The following WDFY2 variants were observed in gnomAD, a reference collection of about 807,000 sequenced individuals.
WDFY2 encodes the protein WD repeat and FYVE domain containing 2.
In WDFY2, 36 loss-of-function variants were observed where a neutral mutation model predicts 56.4. The observed-to-expected ratio is 0.64, with a 90% CI of 0.49 to 0.84. The LOEUF is 0.84. Among genes scored for constraint, WDFY2 ranks in the 40% least tolerant of loss-of-function variants. The probability of loss-of-function intolerance (pLI) is 0.00; values close to 1 mark genes in which losing one functional copy is unlikely to be tolerated. For missense variants in WDFY2, 444 were observed against 512.2 expected (o/e 0.87, Z 1.29); for synonymous variants, 176 against 183.7 (o/e 0.96, Z 0.34).
chr13:51,609,256 C>G (rs1287985116), intron 1 of WDFY2, among the ~76,000 whole-genome samples: 13 of 152,172 alleles, frequency 8.5e-5, no homozygotes, highest in African/African-American at 2.7e-4. Flanking sequence ...CTCTACTGAT[C>G]ACAACTCCCA....
Position 51,739,115 on chromosome 13 carries a change from CTG to C in WDFY2, c.667_668del (p.Val223HisfsTer40). 2 of 1,601,856 alleles carry C rather than the reference CTG, an allele frequency of 1.2e-6. No individual in the cohort carries two copies. Among genetic ancestry groups the C allele is most frequent in the Non-Finnish European group, 1.7e-6 (2 of 1,174,418 alleles). ...TTGTTCTCAGGCAGTTCAGATCACTCTGTCATCATGTGGGACATCGGTGGGAG... is the reference window on the plus strand; with the variant it reads ...TTGTTCTCAGGCAGTTCAGATCACTCTCATCATGTGGGACATCGGTGGGAG... On this transcript the variant is annotated frameshift_variant, in exon 7 of 12. Coordinates refer to ENST00000298125, the MANE Select transcript of WDFY2 (RefSeq NM_052950.4). LOFTEE classifies it high-confidence loss of function.
rs369798845 is a variant in WDFY2, at chr13:51,630,718, A to G, written c.138-29878A>G. ...GCTTTTTGTGTTATGTTTTCAAGTTATTATGCTGATTGTTTAGCTTTCACT... is the reference window on the plus strand; with the variant it reads ...GCTTTTTGTGTTATGTTTTCAAGTTGTTATGCTGATTGTTTAGCTTTCACT... On this transcript the variant is annotated intron_variant, in intron 1 of 11. Coordinates refer to ENST00000298125, the MANE Select transcript of WDFY2 (RefSeq NM_052950.4). Among the ~76,000 whole-genome samples, 29 of 137,108 alleles carry G rather than the reference A, an allele frequency of 2.1e-4. No homozygotes were observed. The East Asian group carries it at 5.9e-3, about 28-fold the overall frequency. 89.9% of individuals were successfully genotyped at this position (137,108 alleles called of 152,430 possible). A position where few individuals can be genotyped will look rare whatever the true frequency, so the allele number is the denominator to read the frequency against.
chr13:51,631,943 CCCTT>C (rs2138382048), intron 1 of WDFY2, among the ~76,000 whole-genome samples: 1 of 152,222 alleles, frequency 6.6e-6, no homozygotes, highest in Non-Finnish European at 1.5e-5. Flanking sequence ...TATATATCCT[CCCTT>C]CCTTAAGAAT....
At chr13:51,690,321 A>T (rs1956131416) in intron 3 of WDFY2, among the ~76,000 whole-genome samples, 1 of 147,980 alleles carries the variant, frequency 6.8e-6, no homozygotes, top group South Asian at 2.2e-4. Flanking sequence ...CATTGGGTAT[A>T]TCTCCCAGTG....
rs78515735 is a variant in WDFY2, at chr13:51,684,901, G to A, written c.279+9658G>A. On this transcript the variant is annotated intron_variant, in intron 3 of 11. Coordinates refer to ENST00000298125, the MANE Select transcript of WDFY2 (RefSeq NM_052950.4). ...TCTAGGTTTCTCCAGCTGCTCCGCC[G>A]TCAGATATCCAAAGTTCTATACACA... 2.2e-4 allele frequency among the ~76,000 whole-genome samples: 33 copies of A among 152,216 alleles called. No homozygotes were observed. In the East Asian group the frequency reaches 2.9e-3, roughly 13 times the overall value.
chr13:51,585,480 C>T (rs924766156), intron 1 of WDFY2, among the ~76,000 whole-genome samples: 1 of 152,156 alleles, frequency 6.6e-6, no homozygotes. Flanking sequence ...GAGTTCCTTC[C>T]CTTTGCCTGT....
At chr13:51,730,868 G>A (rs1157567878) in intron 6 of WDFY2, among the ~76,000 whole-genome samples, 1 of 152,118 alleles carries the variant, frequency 6.6e-6, no homozygotes, top group African/African-American at 2.4e-5. Flanking sequence ...TGGGTATGAG[G>A]GAAGGAGAGG....
intron 1 of WDFY2, among the ~76,000 whole-genome samples, chr13:51,609,355 A>G (rs963186858): frequency 6.6e-6 from 1 of 152,134 alleles, no homozygotes; most frequent in African/African-American, 2.4e-5. Context: ...TTAGTCCTCA[A>G]AAGATTAGAT....
chr13:51,749,644 A>G (rs1953181981), intron 7 of WDFY2, among the ~76,000 whole-genome samples: 1 of 152,168 alleles, frequency 6.6e-6, no homozygotes, highest in Non-Finnish European at 1.5e-5. Context: ...TCCTGTATTG[A>G]CACAACTCAA....
intron 5 of WDFY2, among the ~76,000 whole-genome samples, chr13:51,726,533 T>C (rs1478772394): frequency 6.6e-6 from 1 of 152,214 alleles, no homozygotes. Context: ...CTTTTACTGG[T>C]CACGTAGGCA....
At chr13:51,604,668 G>A (rs1954352131) in intron 1 of WDFY2, among the ~76,000 whole-genome samples, 3 of 152,166 alleles carry the variant, frequency 2.0e-5, no homozygotes. Flanking sequence ...GGCACTAGCC[G>A]CATTTTAGGT....
intron 11 of WDFY2, among the ~76,000 whole-genome samples, chr13:51,758,708 C>T (rs1953481292): frequency 6.6e-6 from 1 of 152,070 alleles, no homozygotes; most frequent in South Asian, 2.1e-4. Context: ...CTACTTGGGA[C>T]AGACTAAAAA....
At chr13:51,630,547 C>G (rs1023405713) in intron 1 of WDFY2, among the ~76,000 whole-genome samples, 1 of 151,508 alleles carries the variant, frequency 6.6e-6, no homozygotes, top group African/African-American at 2.4e-5. Flanking sequence ...AACAACTATA[C>G]GTGTGGCACT....
chr13:51,628,612 A>G (rs566386553), intron 1 of WDFY2, among the ~76,000 whole-genome samples: 11 of 151,534 alleles, frequency 7.3e-5, no homozygotes, highest in African/African-American at 2.7e-4. Flanking sequence ...CCCTAGCGGC[A>G]CCCCCCCTGC....
At chr13:51,706,321 A>AT (rs1359072796) in intron 4 of WDFY2, among the ~76,000 whole-genome samples, 3 of 152,350 alleles carry the variant, frequency 2.0e-5, no homozygotes, top group Admixed American at 2.0e-4. Context: ...TGATACACAT[A>AT]TAATCTGTCA....
At chr13:51,690,670 C>A (rs1956137860) in intron 3 of WDFY2, among the ~76,000 whole-genome samples, 1 of 152,054 alleles carries the variant, frequency 6.6e-6, no homozygotes, top group African/African-American at 2.4e-5. Flanking sequence ...GTGCATGTGT[C>A]TTTATAGCAG....
chr13:51,750,287 A>G (rs1305701630), intron 7 of WDFY2, among the ~76,000 whole-genome samples: 1 of 152,216 alleles, frequency 6.6e-6, no homozygotes, highest in African/African-American at 2.4e-5. Context: ...TTTAAAAGGT[A>G]TCGTAATCCA....
At chr13:51,702,321 G>T (rs1296011007) in intron 3 of WDFY2, among the ~76,000 whole-genome samples, 1 of 150,626 alleles carries the variant, frequency 6.6e-6, no homozygotes, top group Non-Finnish European at 1.5e-5. Context: ...AAAAAAAAAA[G>T]AAAAAAAATT....
At chr13:51,659,406 G>A (rs1435462270) in intron 1 of WDFY2, among the ~76,000 whole-genome samples, 3 of 152,214 alleles carry the variant, frequency 2.0e-5, no homozygotes, top group Admixed American at 6.5e-5. Flanking sequence ...TGGCTTAAGA[G>A]TGTGGGGTGA....
Sources: gnomAD v4.1 joint callset for allele counts (sites outside exome capture counted in the v4.1 genomes callset) on GRCh38, gnomAD v4.1.1 for gene constraint, MANE v1.5 for transcripts, NCBI Gene and HGNC (gene_info 2026-07-23, HGNC 2026-07-21) for gene names.